The following IL6ST variants were observed in gnomAD, a reference collection of about 807,000 sequenced individuals.
The protein encoded by IL6ST is interleukin 6 cytokine family signal transducer, also known as interleukin-6 receptor subunit beta.
A neutral mutation model predicts 91.3 loss-of-function variants in IL6ST; 24 were observed. That is an observed-to-expected ratio of 0.26 (90% CI 0.19 to 0.37). The LOEUF (loss-of-function observed/expected upper bound fraction) is 0.37. IL6ST is among the 10% of genes least tolerant of loss of function. IL6ST has a pLI of 1.00. For missense variants in IL6ST, 914 were observed against 1,078.5 expected (o/e 0.85, Z 2.14); for synonymous variants, 351 against 373.6 (o/e 0.94, Z 0.70).
At position 55,940,786 on chromosome 5, in the gene IL6ST, A is replaced by G. The variant is rs964634591; in HGVS notation, c.*296T>C. ...TTCTGTTTTCTATGTAGCAAAACAA[A>G]AAGTTTTATAAATTTCAGATAAGCT... On this transcript the variant is annotated 3_prime_UTR_variant, in exon 17 of 17. Coordinates refer to ENST00000381298, the MANE Select transcript of IL6ST (RefSeq NM_002184.4). 9.8e-5 allele frequency: 34 copies of G among 345,962 alleles called. No homozygotes were observed. The highest frequency in any genetic ancestry group is 1.1e-4 in the Non-Finnish European group (20 of 190,044). 21.4% of individuals were successfully genotyped at this position (345,962 alleles called of 1,614,324 possible).
chr5:55,945,676 T>TCC (rs1351495898), intron 15 of IL6ST, among the ~76,000 whole-genome samples: 3 of 133,948 alleles, frequency 2.2e-5, no homozygotes, highest in African/African-American at 9.5e-5. Flanking sequence ...TTTTTTTTTT[T>TCC]CAGACACTCT....
chr5:55,958,120 T>C (rs1752095918), intron 8 of IL6ST, among the ~76,000 whole-genome samples: 4 of 152,158 alleles, frequency 2.6e-5, no homozygotes, highest in Admixed American at 1.3e-4. Flanking sequence ...AGTGGTTTTT[T>C]TCCAGAGACA....
In IL6ST at chr5:55,964,271, G is replaced by A. The variant is rs770096161; in HGVS notation, c.533C>T (p.Thr178Ile). The A allele has an allele frequency of 1.2e-6, 2 of 1,611,584 alleles. No homozygotes were observed. Among genetic ancestry groups the A allele is most frequent in the South Asian group, 1.1e-5 (1 of 90,788 alleles). The stretch of plus-strand genomic sequence containing the variant: ...ATAATCAACAGTGCATGAGGTGGGG[G>A]TGTCACGTTTTGCTTTGCAATCAGC... ...KFADCKAKRDTPTSCTVDYST... is the reference protein window; with the variant it reads ...KFADCKAKRDIPTSCTVDYST... Residue 178 changes from threonine (T) to isoleucine (I), a missense_variant, in exon 6 of 17, where the codon ACC becomes ATC. Coordinates refer to ENST00000381298, the MANE Select transcript of IL6ST (RefSeq NM_002184.4).
chr5:55,950,572 A>G, intron 14 of IL6ST, among the ~76,000 whole-genome samples: 1 of 147,974 alleles, frequency 6.8e-6, no homozygotes, highest in South Asian at 2.2e-4. Context: ...CAAAAAAAGG[A>G]GAAGAAGAAG....
chr5:55,971,277 T>C (rs753549428), intron 3 of IL6ST, among the ~76,000 whole-genome samples: 1 of 152,204 alleles, frequency 6.6e-6, no homozygotes, highest in Non-Finnish European at 1.5e-5. Context: ...AACTTAACAA[T>C]AGTGCACTGT....
At chr5:55,978,563 T>C (rs1753456367) in intron 2 of IL6ST, 1 of 152,148 alleles carries the variant, frequency 6.6e-6, no homozygotes, top group Non-Finnish European at 1.5e-5. Flanking sequence ...CTGTCCCTAA[T>C]AAAAATACAA....
At chr5:55,981,500 G>A (rs1224960899) in intron 2 of IL6ST, among the ~76,000 whole-genome samples, 4 of 152,008 alleles carry the variant, frequency 2.6e-5, no homozygotes, top group South Asian at 2.1e-4. Flanking sequence ...AAAATTAGCC[G>A]GGCATGGTGG....
intron 1 of IL6ST, among the ~76,000 whole-genome samples, chr5:55,989,619 G>A (rs746299659): frequency 6.6e-6 from 1 of 152,110 alleles, no homozygotes; most frequent in African/African-American, 2.4e-5. Context: ...AGAAATAAAA[G>A]CTCAAGCTTT....
intron 13 of IL6ST, 120 bp from the exon 14 acceptor site, chr5:55,951,724 T>C: frequency 1.0e-6 from 1 of 975,724 alleles, no homozygotes. Context: ...AAAACAACTT[T>C]TATAATGTTC....
intron 1 of IL6ST, among the ~76,000 whole-genome samples, chr5:55,983,343 CA>C (rs1159954322): frequency 6.6e-6 from 1 of 152,144 alleles, no homozygotes; most frequent in African/African-American, 2.4e-5. Context: ...ACACCTAATG[CA>C]AACTTCCCTG....
intron 1 of IL6ST, among the ~76,000 whole-genome samples, chr5:55,993,175 G>A (rs377489224): frequency 1.8e-4 from 27 of 152,300 alleles, no homozygotes; most frequent in African/African-American, 6.3e-4. Context: ...GGAGGGAGCG[G>A]GGAATCCCTC....
chr5:55,991,433 C>G (rs1754323748), intron 1 of IL6ST, among the ~76,000 whole-genome samples: 1 of 152,108 alleles, frequency 6.6e-6, no homozygotes, highest in Non-Finnish European at 1.5e-5. Context: ...GTCTTCTCTC[C>G]CATAATATCT....
Position 55,938,598 on chromosome 5 carries a change from A to G in IL6ST, c.*2484T>C, listed in dbSNP as rs571934765. 8.6e-5 allele frequency: 17 copies of G among 197,626 alleles called. No individual in the cohort carries two copies. The highest frequency in any genetic ancestry group is 3.5e-4 in the African/African-American group (15 of 43,442). 12.2% of individuals were successfully genotyped at this position (197,626 alleles called of 1,614,324 possible). On this transcript the variant is annotated 3_prime_UTR_variant, in exon 17 of 17. Transcript: ENST00000381298. ...ATTACTTTAAACACCACTTTTGGAC[A>G]CTAAAGATTTAAAGTGATAAAGCCA...
intron 3 of IL6ST, among the ~76,000 whole-genome samples, chr5:55,972,798 A>G (rs1753038515): frequency 6.6e-6 from 1 of 152,126 alleles, no homozygotes; most frequent in African/African-American, 2.4e-5. Flanking sequence ...TGAGATGAGG[A>G]GTTCTAGACC....
intron 1 of IL6ST, among the ~76,000 whole-genome samples, chr5:55,988,335 T>C (rs1754103474): frequency 6.6e-6 from 1 of 152,192 alleles, no homozygotes; most frequent in Non-Finnish European, 1.5e-5. Context: ...GATATGATCA[T>C]CTATCAAGAA....
Position 55,957,276 on chromosome 5 carries a change from G to A in IL6ST, c.989C>T (p.Pro330Leu). 6.4e-7 allele frequency: 1 copy of A among 1,551,422 alleles called. No individual in the cohort carries two copies. The highest frequency in any genetic ancestry group is 8.8e-7 in the Non-Finnish European group (1 of 1,139,328). ...TGGATCTATTTTATACCAGAAACTTGGTGCTTTAGATGGTCCTAAAGAAAA... is the reference window on the plus strand; with the variant it reads ...TGGATCTATTTTATACCAGAAACTTAGTGCTTTAGATGGTCCTAAAGAAAA... ...ITYEDRPSKA[P>L]SFWYKIDPSH... The change falls in exon 9 of 17, where the codon CCA becomes CTA. Residue 330 changes from proline (P) to leucine (L), a missense_variant. By Grantham distance (98) the Pro-to-Leu change is moderately conservative. Transcript: ENST00000381298.
At chr5:55,994,671 T>G (rs1222091712) in intron 1 of IL6ST, 113 bp downstream of exon 1, 1 of 152,190 alleles carries the variant, frequency 6.6e-6, no homozygotes, top group East Asian at 1.9e-4. Context: ...GCTGACAAGT[T>G]CCGGGCGCTG....
chr5:55,980,093 A>G (rs1004748693), intron 2 of IL6ST, among the ~76,000 whole-genome samples: 2 of 152,198 alleles, frequency 1.3e-5, no homozygotes, highest in Non-Finnish European at 2.9e-5. Context: ...TTTTTTATAT[A>G]TGCACAGTAT....
chr5:55,951,291 A>G (rs1402097350), intron 14 of IL6ST, among the ~76,000 whole-genome samples, 173 bp downstream of exon 14: 1 of 152,246 alleles, frequency 6.6e-6, no homozygotes, highest in Non-Finnish European at 1.5e-5. Flanking sequence ...ATAAAATACC[A>G]AAAAGGTGAG....
Sources: gnomAD v4.1 joint callset for allele counts (sites outside exome capture counted in the v4.1 genomes callset) on GRCh38, gnomAD v4.1.1 for gene constraint, MANE v1.5 for transcripts, NCBI Gene and HGNC (gene_info 2026-07-23, HGNC 2026-07-21) for gene names.